The following DYNC1I2 variants were observed in gnomAD, a reference collection of about 807,000 sequenced individuals.
DYNC1I2 encodes dynein cytoplasmic 1 intermediate chain 2.
DYNC1I2 carries 53 observed loss-of-function variants against 88.6 expected under a neutral mutation model. That is an observed-to-expected ratio of 0.60 (90% CI 0.48 to 0.75). The LOEUF (loss-of-function observed/expected upper bound fraction) is 0.75. DYNC1I2 is among the 30% of genes least tolerant of loss of function. The pLI is 0.00. For synonymous variants in DYNC1I2, 198 were observed against 254.6 expected, an observed-to-expected ratio of 0.78 and a Z score of 2.12; for missense variants, 458 against 766.6, an observed-to-expected ratio of 0.60 and a Z score of 4.75.
At chr2:171,735,236 C>T (rs1236180874) in intron 15 of DYNC1I2, among the ~76,000 whole-genome samples, 1 of 152,208 alleles carries the variant, frequency 6.6e-6, no homozygotes, top group Admixed American at 6.5e-5. Flanking sequence ...ACTTCTACAG[C>T]TAGCCACTAA....
At chr2:171,725,046 T>C (rs1007855628) in intron 7 of DYNC1I2, among the ~76,000 whole-genome samples, 3 of 152,250 alleles carry the variant, frequency 2.0e-5, no homozygotes, top group African/African-American at 4.8e-5. Flanking sequence ...TGTGGTCTTA[T>C]AGCTATTATC....
intron 3 of DYNC1I2, among the ~76,000 whole-genome samples, chr2:171,699,633 T>TGTGG (rs1491585722): frequency 7.3e-6 from 1 of 137,240 alleles, no homozygotes; most frequent in East Asian, 2.3e-4. Flanking sequence ...TGTGTGTGTG[T>TGTGG]GGCGGCGGGC....
intron 1 of DYNC1I2, chr2:171,688,273 G>A (rs1362761736): frequency 2.0e-5 from 3 of 152,174 alleles, no homozygotes; most frequent in African/African-American, 7.2e-5. Context: ...CGAACACGGA[G>A]GTTCTAGCAC....
Position 171,748,584 on chromosome 2 carries a change from T to C in DYNC1I2, c.*695T>C, listed in dbSNP as rs1689945031. Among the ~76,000 whole-genome samples the C allele has an allele frequency of 6.6e-6, 1 of 152,200 alleles. No homozygotes were observed. The highest frequency in any genetic ancestry group is 1.5e-5 in the Non-Finnish European group (1 of 68,014). On this transcript the variant is annotated 3_prime_UTR_variant, in exon 18 of 18. Transcript: ENST00000397119. ...ATATACTATAGATCTCCCAGTGCATTATGAATTGATGTCTAGATAATCTGT... is the reference window on the plus strand; with the variant it reads ...ATATACTATAGATCTCCCAGTGCATCATGAATTGATGTCTAGATAATCTGT...
chr2:171,705,889 G>GT (rs1406690828), intron 3 of DYNC1I2, among the ~76,000 whole-genome samples: 2 of 151,894 alleles, frequency 1.3e-5, no homozygotes, highest in Non-Finnish European at 2.9e-5. Flanking sequence ...GTTAGCCACT[G>GT]TATCTTAGGA....
chr2:171,695,335 A>G (rs181849655), intron 3 of DYNC1I2, among the ~76,000 whole-genome samples: 396 of 152,166 alleles, frequency 2.6e-3, no homozygotes, highest in Middle Eastern at 6.8e-3. Flanking sequence ...TCCTGACCTC[A>G]TGATCCGCCT....
chr2:171,733,449 T>G (rs2105729115), intron 15 of DYNC1I2, among the ~76,000 whole-genome samples: 1 of 137,988 alleles, frequency 7.2e-6, no homozygotes, highest in East Asian at 2.2e-4. Context: ...CTCCACAACC[T>G]TGCCAGCATC....
At chr2:171,728,250 T>C (rs536492257) in intron 12 of DYNC1I2, 55 bp from the exon 13 acceptor site, 1,046 of 1,089,426 alleles carry the variant, frequency 9.6e-4, no homozygotes, top group Non-Finnish European at 8.7e-4. Context: ...AGACTAAAAA[T>C]TTTGTTTTGC....
In DYNC1I2 at chr2:171,692,908, T is replaced by C. The variant is rs1685498950; in HGVS notation, c.226+14T>C. ...AATCCCCCATTGGTAAGGTTAAGAA[T>C]ATATCCATTTATAAGAGATAGGCAT... is the stretch of plus-strand genomic sequence containing the variant. On this transcript the variant is annotated intron_variant, in intron 3 of 17. Transcript: ENST00000397119. The C allele has an allele frequency of 6.5e-7, 1 of 1,534,344 alleles. No individual in the cohort carries two copies. The highest frequency in any genetic ancestry group is 8.9e-7 in the Non-Finnish European group (1 of 1,123,048).
At chr2:171,735,041 A>G (rs1688910609) in intron 15 of DYNC1I2, among the ~76,000 whole-genome samples, 1 of 152,124 alleles carries the variant, frequency 6.6e-6, no homozygotes, top group African/African-American at 2.4e-5. Context: ...GTGCTCTTTG[A>G]CTCCAGGAAT....
rs1689898944 is a variant in DYNC1I2, at chr2:171,747,729, T to C, written c.1804-47T>C. 9 of 1,338,606 alleles carry C rather than the reference T, an allele frequency of 6.7e-6. No homozygotes were observed. The South Asian group carries it at 1.2e-4, about 18-fold the overall frequency. The allele number at this position is 1,338,606 out of a possible 1,614,324, so 82.9% of individuals were successfully genotyped here. ...ACAAACTGAATAATAGTGGGTAAAA[T>C]GATCTTTTATTTCATTGTATATAAA... is the stretch of plus-strand genomic sequence containing the variant. On this transcript the variant is annotated intron_variant, in intron 17 of 17. Coordinates refer to ENST00000397119, the MANE Select transcript of DYNC1I2 (RefSeq NM_001378.3).
chr2:171,728,887 C>T lies in DYNC1I2; in HGVS notation c.1391+37C>T, dbSNP rs928888310. On this transcript the variant is annotated intron_variant, in intron 14 of 17. Transcript: ENST00000397119. Reference sequence around the variant, plus strand: ...CTGGAATTTGCAATAATTTAAAATTCCTCCTTTAATCCCATTGAAACAAAT... The same window carrying T: ...CTGGAATTTGCAATAATTTAAAATTTCTCCTTTAATCCCATTGAAACAAAT... 5.7e-6 allele frequency: 9 copies of T among 1,576,094 alleles called. No homozygotes were observed. The African/African-American group carries it at 8.2e-5, about 14-fold the overall frequency.
chr2:171,733,913 G>GT (rs1438565571), intron 15 of DYNC1I2, among the ~76,000 whole-genome samples: 2 of 152,000 alleles, frequency 1.3e-5, no homozygotes, highest in Non-Finnish European at 2.9e-5. Flanking sequence ...TTTCTTCTAA[G>GT]TTTTTTGTAG....
intron 6 of DYNC1I2, among the ~76,000 whole-genome samples, chr2:171,714,514 GT>G (rs1418456629): frequency 6.6e-6 from 1 of 151,980 alleles, no homozygotes; most frequent in Non-Finnish European, 1.5e-5. Context: ...ACTTTATTTG[GT>G]TTAGGATTTA....
At chr2:171,712,175 C>T (rs1048489841) in intron 5 of DYNC1I2, among the ~76,000 whole-genome samples, 25 of 152,088 alleles carry the variant, frequency 1.6e-4, no homozygotes, top group Non-Finnish European at 2.5e-4. Flanking sequence ...AAGCCCAAGG[C>T]GGTGCTTAAC....
At chr2:171,730,881 C>T (rs1209303294) in intron 15 of DYNC1I2, among the ~76,000 whole-genome samples, 1 of 152,116 alleles carries the variant, frequency 6.6e-6, no homozygotes, top group East Asian at 1.9e-4. Flanking sequence ...CCTTAGAAGT[C>T]TGGGATGAAC....
intron 15 of DYNC1I2, among the ~76,000 whole-genome samples, chr2:171,730,898 T>A (rs1258308539): frequency 3.9e-5 from 6 of 152,196 alleles, no homozygotes. Flanking sequence ...GAACTCATTA[T>A]TCATTCTTGT....
chr2:171,707,572 A>ACT (rs1317602651), intron 5 of DYNC1I2, among the ~76,000 whole-genome samples, 195 bp downstream of exon 5: 1 of 152,132 alleles, frequency 6.6e-6, no homozygotes, highest in African/African-American at 2.4e-5. Flanking sequence ...TAATATTTTA[A>ACT]CTGTCACATT....
chr2:171,745,972 C>T lies in DYNC1I2; in HGVS notation c.1803+45C>T, dbSNP rs369787113. The T allele has an allele frequency of 3.7e-6, 6 of 1,608,382 alleles. No homozygotes were observed. In the African/African-American group the frequency reaches 8.0e-5, roughly 22 times the overall value. On this transcript the variant is annotated intron_variant, in intron 17 of 17. Coordinates refer to ENST00000397119, the MANE Select transcript of DYNC1I2 (RefSeq NM_001378.3). The stretch of plus-strand genomic sequence containing the variant: ...TAATTTTGACACATCGATTTAGTTG[C>T]ATTGTAGTAAAGGCATCTTTGTGGC...
Sources: gnomAD v4.1 joint callset for allele counts (sites outside exome capture counted in the v4.1 genomes callset) on GRCh38, gnomAD v4.1.1 for gene constraint, MANE v1.5 for transcripts, NCBI Gene and HGNC (gene_info 2026-07-23, HGNC 2026-07-21) for gene names.